The following RNF216 variants were observed in gnomAD, a reference collection of about 807,000 sequenced individuals.
RNF216 encodes the protein E3 ubiquitin-protein ligase RNF216.
In RNF216, 72 loss-of-function variants were observed where a neutral mutation model predicts 110.8. The ratio of observed to expected loss-of-function variants is 0.65; its 90% confidence interval spans 0.54 to 0.79. The LOEUF (loss-of-function observed/expected upper bound fraction) is 0.79. Ranked by LOEUF, RNF216 falls within the 30% of genes least tolerant of loss-of-function variation. The probability of loss-of-function intolerance (pLI) is 0.00; values close to 1 mark genes in which losing one functional copy is unlikely to be tolerated. For synonymous variants in RNF216, 495 were observed against 407.5 expected, an observed-to-expected ratio of 1.21 and a Z score of -2.59; for missense variants, 1,342 against 1,141.2, an observed-to-expected ratio of 1.18 and a Z score of -2.54.
chr7:5,750,665 G>A (rs188968499), intron 3 of RNF216, among the ~76,000 whole-genome samples: 6 of 152,180 alleles, frequency 3.9e-5, no homozygotes, highest in Admixed American at 2.0e-4. Flanking sequence ...GAGTTCACTA[G>A]GATGGCCAAT....
At chr7:5,657,861 G>A (rs1788843510) in intron 13 of RNF216, among the ~76,000 whole-genome samples, 1 of 152,168 alleles carries the variant, frequency 6.6e-6, no homozygotes, top group African/African-American at 2.4e-5. Flanking sequence ...CAAAGCTCAG[G>A]TAGATTCAGT....
At position 5,752,949 on chromosome 7, in the gene RNF216, G is replaced by A. The variant is rs2128664301; in HGVS notation, c.98C>T (p.Thr33Ile). 6.2e-7 allele frequency: 1 copy of A among 1,611,578 alleles called. No homozygotes were observed. The highest frequency in any genetic ancestry group is 8.5e-7 in the Non-Finnish European group (1 of 1,178,962). Residue 33 changes from threonine (T) to isoleucine (I), a missense_variant, in exon 3 of 17, where the codon ACC (threonine) becomes ATC (isoleucine). By Grantham distance (89) the Thr-to-Ile change is moderately conservative. Transcript: ENST00000389902. ...EWINLRDGPI[T>I]ISDSSDEERI... Reference sequence around the variant, plus strand: ...TTCCTCATCTGAGGAGTCAGATATGGTGATGGGCCCATCTCGGAGATTGAT... The same window carrying A: ...TTCCTCATCTGAGGAGTCAGATATGATGATGGGCCCATCTCGGAGATTGAT...
intron 1 of RNF216, chr7:5,780,174 AGC>A (rs1797002594): frequency 6.6e-6 from 1 of 152,200 alleles, no homozygotes; most frequent in African/African-American, 2.4e-5. Context: ...GATAGTTTTT[AGC>A]ATTCCTGGCA....
intron 13 of RNF216, among the ~76,000 whole-genome samples, chr7:5,674,397 T>C (rs1294926448): frequency 6.6e-6 from 1 of 151,184 alleles, no homozygotes; most frequent in African/African-American, 2.4e-5. Context: ...GACCTCATGA[T>C]CCGCCTGCCT....
intron 12 of RNF216, 89 bp downstream of exon 12, chr7:5,712,626 A>C (rs1792781434): frequency 1.5e-6 from 2 of 1,296,968 alleles, no homozygotes; most frequent in Non-Finnish European, 1.1e-6. Flanking sequence ...TGGAAGATAA[A>C]CACAATTTTC....
At chr7:5,684,429 G>A (rs193158805) in intron 13 of RNF216, among the ~76,000 whole-genome samples, 614 of 152,218 alleles carry the variant, frequency 4.0e-3, no homozygotes, top group Middle Eastern at 0.01. Context: ...CTTCTAAGCC[G>A]AGCCTCTGCA....
intron 8 of RNF216, among the ~76,000 whole-genome samples, chr7:5,724,471 C>G (rs560075961): frequency 3.3e-5 from 5 of 152,174 alleles, no homozygotes; most frequent in Non-Finnish European, 5.9e-5. Flanking sequence ...TGAACTCTGG[C>G]TAAATTTGGC....
At chr7:5,650,712 G>T (rs573376174) in intron 14 of RNF216, among the ~76,000 whole-genome samples, 4 of 152,052 alleles carry the variant, frequency 2.6e-5, no homozygotes, top group Non-Finnish European at 4.4e-5. Flanking sequence ...TTGACTCTTC[G>T]TCCCACACTA....
chr7:5,624,676 C>T lies in RNF216; in HGVS notation c.2383-551G>A, dbSNP rs895681902. Among the ~76,000 whole-genome samples, 2 of 152,234 alleles carry T rather than the reference C, an allele frequency of 1.3e-5. No homozygotes were observed. Among genetic ancestry groups the T allele is most frequent in the Admixed American group, 1.3e-4 (2 of 15,290 alleles). ...AAGGTGCGACAGTGAGGATGGTCCCCCTCGGACCTTGCCGTCTCTTCTCCC... is the reference window on the plus strand; with the variant it reads ...AAGGTGCGACAGTGAGGATGGTCCCTCTCGGACCTTGCCGTCTCTTCTCCC... On this transcript the variant is annotated intron_variant, in intron 15 of 16. Transcript: ENST00000389902. The surrounding 1 kb of genome is among the most constrained non-coding windows in gnomAD (Gnocchi z 4.4).
intron 5 of RNF216, among the ~76,000 whole-genome samples, chr7:5,733,352 A>G (rs1794200526): frequency 6.6e-6 from 1 of 152,206 alleles, no homozygotes; most frequent in African/African-American, 2.4e-5. Flanking sequence ...CCTAAAAATA[A>G]GTACACGTGT....
At chr7:5,637,387 T>C (rs1196428360) in intron 15 of RNF216, among the ~76,000 whole-genome samples, 1 of 152,240 alleles carries the variant, frequency 6.6e-6, no homozygotes, top group Non-Finnish European at 1.5e-5. Flanking sequence ...CACTGGGTCA[T>C]AAGCTTTGTA....
Position 5,620,075 on chromosome 7 carries a change from A to G in RNF216, c.*2785T>C, listed in dbSNP as rs1459288230. 6.6e-6 allele frequency: 1 copy of G among 152,270 alleles called. No homozygotes were observed. Among genetic ancestry groups the G allele is most frequent in the African/African-American group, 2.4e-5 (1 of 41,470 alleles). 9.4% of individuals were successfully genotyped at this position (152,270 alleles called of 1,614,324 possible). On this transcript the variant is annotated 3_prime_UTR_variant, in exon 17 of 17. Transcript: ENST00000389902. ...CAGAGCGCACAAACATTTATTTACA[A>G]AAGTCCCAGTTACATATGATACAGG...
intron 14 of RNF216, among the ~76,000 whole-genome samples, chr7:5,643,207 T>C (rs1584363254): frequency 6.6e-6 from 1 of 152,236 alleles, no homozygotes; most frequent in East Asian, 1.9e-4. Flanking sequence ...ATTGCACAAA[T>C]GTCCACTCAA....
intron 1 of RNF216, among the ~76,000 whole-genome samples, chr7:5,765,573 T>C (rs1164783238): frequency 2.0e-5 from 3 of 151,928 alleles, no homozygotes; most frequent in Admixed American, 6.6e-5. Context: ...GACACTGCAG[T>C]GTGCCACCAT....
chr7:5,709,018 G>C (rs1012940046), intron 13 of RNF216, among the ~76,000 whole-genome samples: 1 of 152,180 alleles, frequency 6.6e-6, no homozygotes, highest in African/African-American at 2.4e-5. Flanking sequence ...GGTCCCATCA[G>C]TGCTTCATCG....
intron 13 of RNF216, among the ~76,000 whole-genome samples, chr7:5,665,354 C>T (rs1475866545): frequency 1.3e-5 from 2 of 152,146 alleles, no homozygotes; most frequent in Admixed American, 6.5e-5. Flanking sequence ...GAAAGGGCTT[C>T]TTTGGGGAAG....
At chr7:5,748,583 T>C (rs1291085467) in intron 3 of RNF216, among the ~76,000 whole-genome samples, 2 of 151,122 alleles carry the variant, frequency 1.3e-5, no homozygotes, top group Non-Finnish European at 2.9e-5. Flanking sequence ...TACTTTATTA[T>C]AAGAATGCAG....
intron 13 of RNF216, among the ~76,000 whole-genome samples, chr7:5,668,456 C>T (rs910014908): frequency 6.6e-6 from 1 of 152,040 alleles, no homozygotes. Flanking sequence ...ATTTCCTGAC[C>T]TCGTGATCTG....
intron 15 of RNF216, among the ~76,000 whole-genome samples, chr7:5,626,311 G>A (rs1249312059): frequency 6.6e-6 from 1 of 151,924 alleles, no homozygotes; most frequent in African/African-American, 2.4e-5. Context: ...GCAGTTTGAA[G>A]GCCTCCATGT....
Sources: gnomAD v4.1 joint callset for allele counts (sites outside exome capture counted in the v4.1 genomes callset) on GRCh38, gnomAD v4.1.1 for gene constraint, Gnocchi (gnomAD v3.1) non-coding constraint, MANE v1.5 for transcripts, NCBI Gene and HGNC (gene_info 2026-07-23, HGNC 2026-07-21) for gene names.